Variants in CACNA1H observed in about 807,000 individuals in gnomAD.
The protein encoded by CACNA1H is voltage-dependent T-type calcium channel subunit alpha-1H.
In CACNA1H, 149 loss-of-function variants were observed where a neutral mutation model predicts 192.5. The ratio of observed to expected loss-of-function variants is 0.77; its 90% confidence interval spans 0.68 to 0.89. The LOEUF is 0.89. Ranked by LOEUF, CACNA1H falls within the 40% of genes least tolerant of loss-of-function variation. The pLI is 0.00. For synonymous variants in CACNA1H, 2,202 were observed against 1,475.2 expected (o/e 1.49, Z -11.29); for missense variants, 4,257 against 3,423.5 (o/e 1.24, Z -6.08).
chr16:1,204,144 G>A lies in CACNA1H; in HGVS notation c.2137G>A (p.Glu713Lys). The change falls in exon 10 of 35, where the codon GAG becomes AAG. Residue 713 changes from glutamate to lysine, a missense_variant. Glu to Lys is a moderately conservative substitution (Grantham distance 56). Coordinates refer to ENST00000348261, the MANE Select transcript of CACNA1H (RefSeq NM_021098.3). Reference sequence around the variant, plus strand: ...CCGTGCCCTGGAGGACCCGGAGGGTGAGCTCAGCGGCTCGGAAAGTGGAGA... The same window carrying A: ...CCGTGCCCTGGAGGACCCGGAGGGTAAGCTCAGCGGCTCGGAAAGTGGAGA... ...CTRALEDPEG[E>K]LSGSESGDSD... is the part of the protein sequence containing the mutation. The A allele has an allele frequency of 6.2e-7, 1 of 1,612,472 alleles. No homozygotes were observed.
chr16:1,206,029 C>T, intron 11 of CACNA1H, 75 bp from the exon 12 acceptor site: 3 of 1,417,992 alleles, frequency 2.1e-6, no homozygotes, highest in Admixed American at 2.2e-5. Context: ...TGGCTGGTGA[C>T]CCTGCTTCCA....
intron 10 of CACNA1H, 78 bp from the exon 11 acceptor site, chr16:1,205,035 TG>T (rs1309370236): frequency 2.7e-5 from 24 of 887,906 alleles, no homozygotes; most frequent in African/African-American, 9.5e-5. Flanking sequence ...GAGCCACGGG[TG>T]GGGGCCCCAG....
At chr16:1,198,395 A>T (rs1173623505) in intron 5 of CACNA1H, among the ~76,000 whole-genome samples, 1 of 152,124 alleles carries the variant, frequency 6.6e-6, no homozygotes, top group Non-Finnish European at 1.5e-5. Flanking sequence ...GTCAGACCCC[A>T]GGGTGTCAGT....
intron 2 of CACNA1H, among the ~76,000 whole-genome samples, chr16:1,155,121 A>G (rs1472327889): frequency 6.6e-6 from 1 of 152,212 alleles, no homozygotes; most frequent in East Asian, 1.9e-4. Context: ...ACGAAAGAGG[A>G]ATCTGTACAA....
At chr16:1,160,477 C>T (rs1683053220) in intron 2 of CACNA1H, among the ~76,000 whole-genome samples, 1 of 152,162 alleles carries the variant, frequency 6.6e-6, no homozygotes, top group Admixed American at 6.5e-5. Flanking sequence ...GGCTCTCAGC[C>T]CCTGCCCGGC....
In CACNA1H at chr16:1,169,963, G is replaced by A. The variant is rs112760257; in HGVS notation, c.299+15927G>A. On this transcript the variant is annotated intron_variant, in intron 2 of 34. Transcript: ENST00000348261. ...AGCGTTTGAAATATGGCCTGCCCAC[G>A]GGTCGGGATCAAGGATGTTTTAATT... 6.6e-3 allele frequency among the ~76,000 whole-genome samples: 1,004 copies of A among 152,332 alleles called. 9 individuals are homozygous for A. The highest frequency in any genetic ancestry group is 0.023 in the African/African-American group (943 of 41,576).
At position 1,207,786 on chromosome 16, in the gene CACNA1H, C is replaced by A. The variant is rs947523277; in HGVS notation, c.3080C>A (p.Ser1027Tyr). 6.3e-7 allele frequency: 1 copy of A among 1,599,826 alleles called. No individual in the cohort carries two copies. Among genetic ancestry groups the A allele is most frequent in the Non-Finnish European group, 8.5e-7 (1 of 1,173,644 alleles). The change falls in exon 15 of 35, where the codon TCC (serine) becomes TAC (tyrosine). Residue 1027 changes from serine (S) to tyrosine (Y), a missense_variant. Coordinates refer to ENST00000348261, the MANE Select transcript of CACNA1H (RefSeq NM_021098.3). ...GFQAEGDANR[S>Y]DTDEDKTSVH... is the part of the protein sequence containing the mutation. Reference sequence around the variant, plus strand: ...TGGGTTTAGGGCGATGCCAACAGATCCGACACGGACGAGGACAAGACGTCG... The same window carrying A: ...TGGGTTTAGGGCGATGCCAACAGATACGACACGGACGAGGACAAGACGTCG...
chr16:1,221,258 C>T lies in CACNA1H; in HGVS notation c.*264C>T. 1 of 474,336 alleles carries T rather than the reference C, an allele frequency of 2.1e-6. No individual in the cohort carries two copies. Among genetic ancestry groups the T allele is most frequent in the Non-Finnish European group, 3.7e-6 (1 of 271,280 alleles). The allele number at this position is 474,336 out of a possible 1,614,324, so 29.4% of individuals were successfully genotyped here. A position where few individuals can be genotyped will look rare whatever the true frequency, so the allele number is the denominator to read the frequency against. On this transcript the variant is annotated 3_prime_UTR_variant, in exon 35 of 35. Transcript: ENST00000348261. ...GCTGTGCGGGCAACTGGGTCAGCCT[C>T]CCGTCAGGAGAGAAGCCGCGTCTGT...
intron 16 of CACNA1H, 65 bp from the exon 17 acceptor site, chr16:1,208,967 C>T: frequency 7.2e-7 from 1 of 1,382,766 alleles, no homozygotes; most frequent in Non-Finnish European, 9.4e-7. Context: ...AGTGGGTGCT[C>T]CGTAATGACA....
chr16:1,202,899 G>A (rs1466820048), intron 9 of CACNA1H, among the ~76,000 whole-genome samples: 3 of 152,034 alleles, frequency 2.0e-5, no homozygotes, highest in Non-Finnish European at 4.4e-5. Context: ...AGGCACCGTC[G>A]CAGAGTCACC....
chr16:1,207,017 C>T lies in CACNA1H; in HGVS notation c.2806C>T (p.Leu936Phe), dbSNP rs1471872554. Residue 936 changes from leucine to phenylalanine, a missense_variant, in exon 13 of 35, where the codon CTT becomes TTT. Coordinates refer to ENST00000348261, the MANE Select transcript of CACNA1H (RefSeq NM_021098.3). ...IFIFSILGMH[L>F]FGCKFSLKTD... ...CACCCTCAGCATCCTGGGCATGCAC[C>T]TTTTCGGCTGCAAGTTCAGCCTGAA... 6.3e-7 allele frequency: 1 copy of T among 1,593,220 alleles called. No individual in the cohort carries two copies. The highest frequency in any genetic ancestry group is 8.5e-7 in the Non-Finnish European group (1 of 1,169,908).
In CACNA1H at chr16:1,210,964, C is replaced by A. The variant is rs772611289; in HGVS notation, c.4216C>A (p.Pro1406Thr). The A allele has an allele frequency of 6.3e-7, 1 of 1,595,660 alleles. No individual in the cohort carries two copies. The highest frequency in any genetic ancestry group is 8.5e-7 in the Non-Finnish European group (1 of 1,176,662). Residue 1406 changes from proline (P) to threonine (T), a missense_variant, in exon 21 of 35, where the codon CCT becomes ACT. Transcript: ENST00000348261. Reference sequence around the variant, plus strand: ...GCTGCGTCTGCTGCGGACCCTGCGGCCTCTGAGGTGGGGGGCTCCCCGTGG... The same window carrying A: ...GCTGCGTCTGCTGCGGACCCTGCGGACTCTGAGGTGGGGGGCTCCCCGTGG... Reference protein sequence around the residue: ...RVLRLLRTLRPLRVISRAPGL... With the variant: ...RVLRLLRTLRTLRVISRAPGL...
At chr16:1,211,842 T>C (rs1448949368) in intron 24 of CACNA1H, 37 bp downstream of exon 24, 1 of 1,609,946 alleles carries the variant, frequency 6.2e-7, no homozygotes, top group Non-Finnish European at 8.5e-7. Flanking sequence ...CACCTCAGGG[T>C]CTCCCGCGAG....
intron 12 of CACNA1H, 70 bp from the exon 13 acceptor site, chr16:1,206,931 G>A (rs548805703): frequency 1.4e-3 from 95 of 68,590 alleles, no homozygotes; most frequent in South Asian, 4.7e-3. Context: ...CCCCCCTCCC[G>A]CTCCCCCACC....
rs539984495 is a variant in CACNA1H at position 1,213,783 on chromosome 16, C to T, written c.4781C>T (p.Ala1594Val). ...CTCATGGCCGCCCTCCCCGCAGAGG[C>T]CCAGCGCCGGCCCTACTATGCCGAC... ...RRRSTFPSPE[A>V]QRRPYYADYS... is the part of the protein sequence containing the mutation. The change falls in exon 27 of 35, where the codon GCC becomes GTC. Residue 1594 changes from alanine to valine, a missense_variant. By Grantham distance (64) the Ala-to-Val change is moderately conservative. Coordinates refer to ENST00000348261, the MANE Select transcript of CACNA1H (RefSeq NM_021098.3). The T allele has an allele frequency of 2.0e-4, 308 of 1,555,092 alleles. 1 individual carries two copies. The East Asian group carries it at 7.2e-3, about 36-fold the overall frequency.
chr16:1,166,839 G>A (rs1963835918), intron 2 of CACNA1H, among the ~76,000 whole-genome samples: 1 of 152,172 alleles, frequency 6.6e-6, no homozygotes, highest in African/African-American at 2.4e-5. Context: ...GTGGATGTCT[G>A]GGCCGTTTCA....
rs1420167392 is a variant in CACNA1H at position 1,202,068 on chromosome 16, G to A, written c.1618G>A (p.Gly540Ser). The stretch of plus-strand genomic sequence containing the variant: ...CAGCCATGGCAGCCCCCGCAGGCCC[G>A]GCCCCGAGCCAGGCGCCTGCGACAC... ...HFSHGSPRRP[G>S]PEPGACDTRL... The change falls in exon 9 of 35, where the codon GGC becomes AGC. Residue 540 changes from glycine to serine, a missense_variant. Transcript: ENST00000348261. 1.1e-5 allele frequency: 17 copies of A among 1,539,800 alleles called. No homozygotes were observed. Among genetic ancestry groups the A allele is most frequent in the South Asian group, 3.6e-5 (3 of 83,904 alleles).
At chr16:1,208,312 G>C in intron 16 of CACNA1H, 91 bp downstream of exon 16, 19 of 874,740 alleles carry the variant, frequency 2.2e-5, no homozygotes, top group Non-Finnish European at 3.1e-5. Flanking sequence ...AGTGAGGGCC[G>C]CACCCCCCAC....
intron 2 of CACNA1H, among the ~76,000 whole-genome samples, chr16:1,164,247 G>A (rs1291604543): frequency 6.6e-6 from 1 of 152,240 alleles, no homozygotes; most frequent in African/African-American, 2.4e-5. Context: ...GAGACGGGCG[G>A]CAGTGTCGTC....
Sources: allele counts gnomAD v4.1 joint callset (sites outside exome capture counted in the v4.1 genomes callset), GRCh38; gene constraint gnomAD v4.1.1; transcripts MANE v1.5; gene names NCBI Gene and HGNC (gene_info 2026-07-23, HGNC 2026-07-21).